The following SLC4A4 variants were observed in gnomAD, a reference collection of about 807,000 sequenced individuals.
SLC4A4 encodes the protein solute carrier family 4 member 4.
Under a neutral mutation model 111.5 loss-of-function variants are expected in SLC4A4, and 27 were observed. The ratio of observed to expected loss-of-function variants is 0.24; its 90% confidence interval spans 0.18 to 0.33. The LOEUF is 0.33. Among genes scored for constraint, SLC4A4 ranks in the 10% least tolerant of loss-of-function variants. The pLI is 1.00. For missense variants in SLC4A4, 909 were observed against 1,315.5 expected (o/e 0.69, Z 4.78); for synonymous variants, 443 against 463.4 (o/e 0.96, Z 0.57).
intron 15 of SLC4A4, 146 bp downstream of exon 15, chr4:71,487,164 GA>G (rs200234473): frequency 0.012 from 5,170 of 416,324 alleles, no homozygotes; most frequent in South Asian, 0.016. Context: ...GGAGGGACGG[GA>G]AAAAAAAAAG....
intron 5 of SLC4A4, among the ~76,000 whole-genome samples, chr4:71,351,772 T>C (rs1044882956): frequency 6.6e-6 from 1 of 152,218 alleles, no homozygotes; most frequent in Non-Finnish European, 1.5e-5. Context: ...TTTATACATT[T>C]ATTCAGCAGT....
At chr4:71,473,350 A>G (rs974662067) in intron 14 of SLC4A4, 1 of 498,118 alleles carries the variant, frequency 2.0e-6, no homozygotes, top group African/African-American at 1.9e-5. Flanking sequence ...TTGGTGTAGG[A>G]ATGTCTTCCT....
chr4:71,539,830 C>G (rs899308025), intron 18 of SLC4A4, among the ~76,000 whole-genome samples: 2 of 152,164 alleles, frequency 1.3e-5, no homozygotes, highest in African/African-American at 4.8e-5. Context: ...ATATGGTAGA[C>G]TCAATAAATA....
chr4:71,313,701 A>G (rs1284465569), intron 3 of SLC4A4, among the ~76,000 whole-genome samples: 1 of 152,218 alleles, frequency 6.6e-6, no homozygotes, highest in East Asian at 1.9e-4. Context: ...CGGTGCTGGG[A>G]AAACTGGCTA....
intron 12 of SLC4A4, among the ~76,000 whole-genome samples, chr4:71,464,303 CT>C (rs1727118155): frequency 6.6e-6 from 1 of 152,104 alleles, no homozygotes; most frequent in African/African-American, 2.4e-5. Context: ...ACTTAACTCC[CT>C]TGAATCTCAA....
intron 16 of SLC4A4, among the ~76,000 whole-genome samples, chr4:71,509,654 A>G (rs552897517): frequency 6.6e-6 from 1 of 152,276 alleles, no homozygotes; most frequent in African/African-American, 2.4e-5. Flanking sequence ...ATGGGTCAGC[A>G]GGCTGTGTGG....
chr4:71,540,160 T>C (rs546167884), intron 18 of SLC4A4, among the ~76,000 whole-genome samples: 1 of 152,322 alleles, frequency 6.6e-6, no homozygotes, highest in East Asian at 1.9e-4. Flanking sequence ...AACCATGTCA[T>C]GGCTCTTAGT....
intron 3 of SLC4A4, among the ~76,000 whole-genome samples, chr4:71,305,780 C>T (rs1249599827): frequency 5.9e-5 from 9 of 152,266 alleles, no homozygotes; most frequent in South Asian, 2.1e-4. Context: ...TAACACGTGG[C>T]GTCTATTCCC....
intron 2 of SLC4A4, among the ~76,000 whole-genome samples, chr4:71,174,458 GGC>G (rs1745028913): frequency 6.6e-6 from 1 of 152,020 alleles, no homozygotes; most frequent in Non-Finnish European, 1.5e-5. Context: ...ATGTTGGCCA[GGC>G]TGGTCTCGAA....
chr4:71,062,813 T>A (rs10009782), intron 1 of SLC4A4, among the ~76,000 whole-genome samples: 114,553 of 152,114 alleles, frequency 0.75, 43,171 homozygotes, highest in East Asian at 0.83. Context: ...AAATATTTTC[T>A]TTTAGTGTGG....
chr4:71,300,025 G>A (rs1389753394), intron 3 of SLC4A4, among the ~76,000 whole-genome samples: 2 of 152,198 alleles, frequency 1.3e-5, no homozygotes, highest in African/African-American at 2.4e-5. Context: ...TGATGAGAGG[G>A]CAGGAGGATG....
At chr4:71,073,970 A>G (rs1410569989) in intron 1 of SLC4A4, among the ~76,000 whole-genome samples, 1 of 152,072 alleles carries the variant, frequency 6.6e-6, no homozygotes, top group African/African-American at 2.4e-5. Flanking sequence ...CTGTAGTCCC[A>G]GCTACTTGGG....
At chr4:71,312,649 T>A (rs558153456) in intron 3 of SLC4A4, among the ~76,000 whole-genome samples, 1 of 152,262 alleles carries the variant, frequency 6.6e-6, no homozygotes, top group East Asian at 1.9e-4. Context: ...ATCCATCACA[T>A]AAACAGAACC....
rs879370487 is a variant in SLC4A4 at position 71,422,185 on chromosome 4, A to G, written c.808-18431A>G. ...CACCGATCCCACAGAAATACAAACT[A>G]CCATCAGAGAATACTACAAACACCT... On this transcript the variant is annotated intron_variant, in intron 7 of 25. Coordinates refer to ENST00000264485, the MANE Select transcript of SLC4A4 (RefSeq NM_001098484.3). Among the ~76,000 whole-genome samples, 716 of 142,920 alleles carry G rather than the reference A, an allele frequency of 5.0e-3. 3 individuals carry two copies. Among genetic ancestry groups the G allele is most frequent in the Middle Eastern group, 0.018 (5 of 280 alleles). 93.8% of individuals were successfully genotyped at this position (142,920 alleles called of 152,430 possible).
At chr4:71,466,324 T>C in intron 12 of SLC4A4, 120 bp from the exon 13 acceptor site, 1 of 1,083,676 alleles carries the variant, frequency 9.2e-7, no homozygotes, top group Non-Finnish European at 1.4e-6. Flanking sequence ...TCTTCATTCT[T>C]GATATGTTTG....
intron 12 of SLC4A4, among the ~76,000 whole-genome samples, chr4:71,464,299 C>T (rs905521265): frequency 6.6e-6 from 1 of 152,198 alleles, no homozygotes; most frequent in African/African-American, 2.4e-5. Context: ...TATCACTTAA[C>T]TCCCTTGAAT....
At chr4:71,289,821 C>T (rs901220138) in intron 3 of SLC4A4, among the ~76,000 whole-genome samples, 5 of 152,160 alleles carry the variant, frequency 3.3e-5, no homozygotes, top group Admixed American at 1.3e-4. Flanking sequence ...TAGGACAAGG[C>T]GGAACTTCCA....
rs183182582 is a variant in SLC4A4, at chr4:71,387,505, T to C, written c.731-10072T>C. On this transcript the variant is annotated intron_variant, in intron 6 of 25. Transcript: ENST00000264485. ...CCTACTTCAAGTATTTATTTATTTA[T>C]TTTTTTGAAATAAAGTTTCACTCTT... Among the ~76,000 whole-genome samples the C allele has an allele frequency of 2.5e-3, 388 of 152,274 alleles. 1 individual carries two copies. The highest frequency in any genetic ancestry group is 9.0e-3 in the African/African-American group (374 of 41,548).
intron 6 of SLC4A4, among the ~76,000 whole-genome samples, chr4:71,394,440 G>A (rs1425087159): frequency 1.3e-5 from 2 of 151,978 alleles, no homozygotes; most frequent in Non-Finnish European, 2.9e-5. Context: ...GCAAATAAAA[G>A]CCACAATGCA....
Sources: gnomAD v4.1 joint callset for allele counts (sites outside exome capture counted in the v4.1 genomes callset) on GRCh38, gnomAD v4.1.1 for gene constraint, MANE v1.5 for transcripts, NCBI Gene and HGNC (gene_info 2026-07-23, HGNC 2026-07-21) for gene names.